Variants in GAGE10 observed in about 807,000 individuals in gnomAD.
The protein encoded by GAGE10 is G antigen 10.
In GAGE10, 9 loss-of-function variants were observed where a neutral mutation model predicts 11.5. That is an observed-to-expected ratio of 0.78 (90% confidence interval 0.47 to 1.37). The LOEUF is 1.37. GAGE10 is among the 40% of genes most tolerant of loss of function. GAGE10 has a pLI of 0.00. For synonymous variants in GAGE10, 23 were observed against 29.7 expected, an observed-to-expected ratio of 0.77 and a Z score of 0.73; for missense variants, 83 against 92.9, an observed-to-expected ratio of 0.89 and a Z score of 0.44.
intron 4 of GAGE10, among the ~76,000 whole-genome samples, chrX:49,317,657 T>G: frequency 9.0e-6 from 1 of 111,694 alleles, no homozygotes; most frequent in Non-Finnish European, 1.9e-5. Context: ...CAAGGCATTA[T>G]ATTTTTAATA....
intron 3 of GAGE10, among the ~76,000 whole-genome samples, chrX:49,309,099 G>A (rs1426476130): frequency 7.1e-5 from 8 of 111,995 alleles, no homozygotes; most frequent in African/African-American, 2.6e-4. Flanking sequence ...ACAGCAGGCT[G>A]TGAGAGGGGA....
chrX:49,317,597 C>A (rs2066398668), intron 4 of GAGE10, among the ~76,000 whole-genome samples: 1 of 110,731 alleles, frequency 9.0e-6, no homozygotes, highest in Non-Finnish European at 1.9e-5. Context: ...ATCCACTTAA[C>A]TTAACCTTTG....
chrX:49,310,968 C>T (rs1201131956), intron 3 of GAGE10, among the ~76,000 whole-genome samples: 15 of 111,701 alleles, frequency 1.3e-4, no homozygotes, highest in African/African-American at 3.9e-4. Flanking sequence ...GAATATGACA[C>T]TGGAGTTTGG....
At chrX:49,307,780 T>A (rs2066362733) in intron 3 of GAGE10, among the ~76,000 whole-genome samples, 1 of 112,495 alleles carries the variant, frequency 8.9e-6, no homozygotes, top group Middle Eastern at 4.2e-3. Context: ...ACAGTTGTGA[T>A]GGAACAGGAA....
chrX:49,310,756 C>T (rs1305715420), intron 3 of GAGE10, among the ~76,000 whole-genome samples: 2 of 109,613 alleles, frequency 1.8e-5, no homozygotes, highest in Non-Finnish European at 3.8e-5. Flanking sequence ...CCCGATTAGC[C>T]CCCCCCCACA....
chrX:49,307,623 G>A (rs1557124306), intron 3 of GAGE10, among the ~76,000 whole-genome samples: 1 of 111,064 alleles, frequency 9.0e-6, no homozygotes, highest in African/African-American at 3.3e-5. Context: ...GGACTACAGG[G>A]CCTGGCCACC....
At chrX:49,312,864 C>G (rs782595415) in intron 3 of GAGE10, among the ~76,000 whole-genome samples, 38 of 112,556 alleles carry the variant, frequency 3.4e-4, no homozygotes, top group Non-Finnish European at 6.8e-4. Flanking sequence ...TGCCACGGCT[C>G]TCTGCCATCG....
chrX:49,305,979 A>T (rs1557124078), intron 3 of GAGE10, among the ~76,000 whole-genome samples: 1 of 111,891 alleles, frequency 8.9e-6, no homozygotes, highest in Non-Finnish European at 1.9e-5. Context: ...GAGCAGCTCC[A>T]AAAACCGAGT....
At chrX:49,309,424 G>T (rs73500227) in intron 3 of GAGE10, among the ~76,000 whole-genome samples, 2 of 111,765 alleles carry the variant, frequency 1.8e-5, no homozygotes, top group African/African-American at 6.5e-5. Context: ...AGGGTCAGAG[G>T]ACAGCCAGGG....
intron 3 of GAGE10, among the ~76,000 whole-genome samples, chrX:49,312,725 A>G (rs1211162867): frequency 1.8e-5 from 2 of 112,795 alleles, no homozygotes; most frequent in African/African-American, 6.4e-5. Flanking sequence ...TTAAAAATGG[A>G]TGGTGGCTGT....
chrX:49,304,978 C>A (rs782676385), intron 2 of GAGE10, 38 bp downstream of exon 2: 1 of 1,169,376 alleles, frequency 8.6e-7, no homozygotes, highest in Admixed American at 2.3e-5. Flanking sequence ...TTTCTATTAG[C>A]AGAAATTAAT....
At chrX:49,315,963 TAGA>T (rs782054379) in intron 3 of GAGE10, among the ~76,000 whole-genome samples, 1 of 112,039 alleles carries the variant, frequency 8.9e-6, no homozygotes, top group African/African-American at 3.2e-5. Flanking sequence ...CTGCTGCCAG[TAGA>T]AGAAGAAGCC....
chrX:49,316,986 G>T (rs1201735647), intron 3 of GAGE10, among the ~76,000 whole-genome samples, 177 bp from the exon 4 acceptor site: 1 of 111,084 alleles, frequency 9.0e-6, no homozygotes, highest in Non-Finnish European at 1.9e-5. Flanking sequence ...GGAACACCTT[G>T]TTTTCCTGTT....
At chrX:49,310,958 G>A (rs1557124673) in intron 3 of GAGE10, among the ~76,000 whole-genome samples, 1 of 111,722 alleles carries the variant, frequency 9.0e-6, no homozygotes, top group Non-Finnish European at 1.9e-5. Flanking sequence ...CACCTAAAGG[G>A]AATATGACAC....
intron 3 of GAGE10, among the ~76,000 whole-genome samples, chrX:49,306,904 G>T (rs2066359154): frequency 8.9e-6 from 1 of 111,817 alleles, no homozygotes. Context: ...TGCAAAGTTT[G>T]TGCCTAGTTG....
At chrX:49,312,789 C>T (rs2066379765) in intron 3 of GAGE10, among the ~76,000 whole-genome samples, 1 of 112,786 alleles carries the variant, frequency 8.9e-6, no homozygotes, top group African/African-American at 3.2e-5. Context: ...GTTTGTGAAG[C>T]AGATCCATCA....
intron 3 of GAGE10, among the ~76,000 whole-genome samples, chrX:49,308,803 C>T (rs1442576139): frequency 1.8e-5 from 2 of 111,133 alleles, no homozygotes; most frequent in Non-Finnish European, 3.8e-5. Flanking sequence ...AGGCTCGTTT[C>T]GTCTGATGAG....
At chrX:49,314,551 G>A (rs1261293876) in intron 3 of GAGE10, among the ~76,000 whole-genome samples, 10 of 112,444 alleles carry the variant, frequency 8.9e-5, no homozygotes, top group Admixed American at 3.8e-4. Context: ...TCGTCTACAG[G>A]ACAGACAGCA....
At chrX:49,308,686 A>C (rs1171184726) in intron 3 of GAGE10, among the ~76,000 whole-genome samples, 1 of 111,969 alleles carries the variant, frequency 8.9e-6, no homozygotes, top group Non-Finnish European at 1.9e-5. Context: ...GGGCCAATAG[A>C]GTGGCAAGTG....
Sources: allele counts gnomAD v4.1 joint callset (sites outside exome capture counted in the v4.1 genomes callset), GRCh38; gene constraint gnomAD v4.1.1; transcripts MANE v1.5; gene names NCBI Gene and HGNC (gene_info 2026-07-23, HGNC 2026-07-21).